BMP6: variants seen among roughly 807,000 people sequenced by gnomAD.
BMP6 encodes bone morphogenetic protein 6, also known as VG-1-R.
A neutral mutation model predicts 54.1 loss-of-function variants in BMP6; 17 were observed. That is an observed-to-expected ratio of 0.31 (90% confidence interval 0.22 to 0.47). BMP6 has a LOEUF of 0.47. BMP6 is among the 20% of genes least tolerant of loss of function. The pLI, the probability that BMP6 is intolerant of heterozygous loss-of-function variation, is 1.00. For missense variants in BMP6, 720 were observed against 690.4 expected, an observed-to-expected ratio of 1.04 and a Z score of -0.48; for synonymous variants, 328 against 291.2, an observed-to-expected ratio of 1.13 and a Z score of -1.28.
chr6:7,776,104 G>A (rs1466656563), intron 1 of BMP6, among the ~76,000 whole-genome samples: 1 of 152,210 alleles, frequency 6.6e-6, no homozygotes, highest in Non-Finnish European at 1.5e-5. Context: ...AAGAGAGAGA[G>A]TAGAAGGTAA....
intron 2 of BMP6, among the ~76,000 whole-genome samples, chr6:7,846,112 G>A (rs2113256080): frequency 6.6e-6 from 1 of 152,300 alleles, no homozygotes; most frequent in South Asian, 2.1e-4. Flanking sequence ...GTAGAATAGT[G>A]TTACCGTGTA....
intron 4 of BMP6, among the ~76,000 whole-genome samples, chr6:7,864,078 G>A (rs999946913): frequency 1.3e-5 from 2 of 151,780 alleles, no homozygotes; most frequent in Non-Finnish European, 2.9e-5. Context: ...ACCCATGGAA[G>A]CCCAGAGGAA....
intron 1 of BMP6, among the ~76,000 whole-genome samples, chr6:7,780,539 A>G (rs1211440179): frequency 2.0e-5 from 3 of 151,706 alleles, no homozygotes; most frequent in African/African-American, 4.8e-5. Context: ...ACAAGAGTGA[A>G]ATTCCATCGC....
intron 1 of BMP6, among the ~76,000 whole-genome samples, chr6:7,812,286 G>C (rs1045623505): frequency 1.3e-5 from 2 of 152,184 alleles, no homozygotes; most frequent in Non-Finnish European, 1.5e-5. Context: ...CCTTTGGTTT[G>C]CTTGAAGAAT....
intron 2 of BMP6, among the ~76,000 whole-genome samples, chr6:7,858,627 A>C (rs951923395): frequency 6.6e-6 from 1 of 151,744 alleles, no homozygotes; most frequent in East Asian, 1.9e-4. Flanking sequence ...TGTGACCTTG[A>C]GACTCTCTCT....
At chr6:7,864,616 G>A (rs1759389747) in intron 4 of BMP6, among the ~76,000 whole-genome samples, 1 of 152,178 alleles carries the variant, frequency 6.6e-6, no homozygotes, top group African/African-American at 2.4e-5. Flanking sequence ...GGGAAGCAGT[G>A]TCTCCATTTT....
At chr6:7,835,123 G>GTTTA (rs1561786730) in intron 1 of BMP6, among the ~76,000 whole-genome samples, 1 of 149,508 alleles carries the variant, frequency 6.7e-6, no homozygotes, top group Admixed American at 6.6e-5. Context: ...GGAATGCTTT[G>GTTTA]TTTGTTTGTT....
Position 7,727,574 on chromosome 6 carries a change from G to C in BMP6, c.619G>C (p.Ala207Pro), listed in dbSNP as rs754224908. Residue 207 changes from alanine (A) to proline (P), a missense_variant, in exon 1 of 7, where the codon GCC becomes CCC. Ala to Pro is a conservative substitution (Grantham distance 27, BLOSUM62 -1). Around this residue, in one of 3 missense-constraint regions of BMP6, gnomAD observed 650 missense variants for 556.3 expected, o/e 1.17. Coordinates refer to ENST00000283147, the MANE Select transcript of BMP6 (RefSeq NM_001718.6). The part of the protein sequence containing the change: ...ASPLTSAQDS[A>P]FLNDADMVMS... Reference sequence around the variant, plus strand: ...CCCACTGACCAGCGCGCAGGACAGCGCCTTCCTCAACGACGCGGACATGGT... The same window carrying C: ...CCCACTGACCAGCGCGCAGGACAGCCCCTTCCTCAACGACGCGGACATGGT... 4 of 1,584,112 alleles carry C rather than the reference G, an allele frequency of 2.5e-6. No homozygotes were observed. Among genetic ancestry groups the C allele is most frequent in the Non-Finnish European group, 1.7e-6 (2 of 1,173,926 alleles).
At chr6:7,739,554 C>G (rs756994517) in intron 1 of BMP6, among the ~76,000 whole-genome samples, 3 of 152,024 alleles carry the variant, frequency 2.0e-5, no homozygotes, top group Non-Finnish European at 4.4e-5. Context: ...ACAGTAAGAA[C>G]TAGTAGATAG....
chr6:7,833,336 A>AC (rs1310393063), intron 1 of BMP6, among the ~76,000 whole-genome samples: 2 of 152,150 alleles, frequency 1.3e-5, no homozygotes, highest in African/African-American at 4.8e-5. Context: ...TCTATATTGG[A>AC]CAGTATAGTT....
At chr6:7,750,591 A>G (rs1339545968) in intron 1 of BMP6, among the ~76,000 whole-genome samples, 2 of 152,180 alleles carry the variant, frequency 1.3e-5, no homozygotes, top group Admixed American at 6.5e-5. Context: ...AATGACCTAT[A>G]TAAATATAGC....
chr6:7,769,534 G>T (rs1757751119), intron 1 of BMP6, among the ~76,000 whole-genome samples: 1 of 152,132 alleles, frequency 6.6e-6, no homozygotes, highest in East Asian at 1.9e-4. Flanking sequence ...CCTCTGCAGT[G>T]TTTTTGTTTT....
intron 1 of BMP6, among the ~76,000 whole-genome samples, chr6:7,739,073 C>G (rs1240236077): frequency 6.6e-6 from 1 of 152,290 alleles, no homozygotes; most frequent in South Asian, 2.1e-4. Flanking sequence ...GACCTTTACC[C>G]TATGTCTCAC....
chr6:7,839,805 A>G (rs538659488), intron 1 of BMP6, among the ~76,000 whole-genome samples: 5 of 152,330 alleles, frequency 3.3e-5, no homozygotes, highest in South Asian at 2.1e-4. Context: ...CCTGCTTTTA[A>G]TGCTTTTGCA....
At chr6:7,744,118 T>C (rs2113120768) in intron 1 of BMP6, among the ~76,000 whole-genome samples, 1 of 152,370 alleles carries the variant, frequency 6.6e-6, no homozygotes. Context: ...CTTTATCAGG[T>C]ATCTATTCTG....
chr6:7,779,959 C>G (rs1170615860), intron 1 of BMP6, among the ~76,000 whole-genome samples: 3 of 152,156 alleles, frequency 2.0e-5, no homozygotes, highest in African/African-American at 4.8e-5. Context: ...CCTGAAACCA[C>G]AGGCCACCTT....
intron 1 of BMP6, among the ~76,000 whole-genome samples, chr6:7,805,173 G>A (rs992754667): frequency 3.3e-5 from 5 of 152,182 alleles, no homozygotes; most frequent in African/African-American, 1.2e-4. Context: ...GTGACGTGAA[G>A]GATTATGAAT....
intron 2 of BMP6, among the ~76,000 whole-genome samples, chr6:7,857,700 T>C (rs1230749108): frequency 2.6e-5 from 4 of 152,206 alleles, no homozygotes; most frequent in Admixed American, 2.0e-4. Flanking sequence ...GGCTACACTT[T>C]TACAGTCCGC....
At chr6:7,824,555 A>C (rs1758663141) in intron 1 of BMP6, among the ~76,000 whole-genome samples, 1 of 152,206 alleles carries the variant, frequency 6.6e-6, no homozygotes, top group African/African-American at 2.4e-5. Context: ...AGGAGATACC[A>C]TTCAGTCTAT....
Sources: gnomAD v4.1 joint callset for allele counts (sites outside exome capture counted in the v4.1 genomes callset) on GRCh38, gnomAD v4.1.1 for gene constraint, gnomAD v4.1.1 regional missense constraint, MANE v1.5 for transcripts, NCBI Gene and HGNC (gene_info 2026-07-23, HGNC 2026-07-21) for gene names.